Variants in SPG21 observed in about 807,000 individuals in gnomAD.
SPG21 encodes the protein SPG21 abhydrolase domain containing, maspardin.
In SPG21, 26 loss-of-function variants were observed where a neutral mutation model predicts 38.9. That is an observed-to-expected ratio of 0.67 (90% CI 0.49 to 0.93). The LOEUF is 0.93. Among genes scored for constraint, SPG21 ranks in the 40% least tolerant of loss-of-function variants. The pLI, the probability that SPG21 is intolerant of heterozygous loss-of-function variation, is 0.00. For synonymous variants in SPG21, 136 were observed against 128.9 expected, an observed-to-expected ratio of 1.05 and a Z score of -0.37; for missense variants, 333 against 376.5, an observed-to-expected ratio of 0.88 and a Z score of 0.96.
At chr15:64,975,605 C>T (rs964937894) in intron 4 of SPG21, among the ~76,000 whole-genome samples, 2 of 151,864 alleles carry the variant, frequency 1.3e-5, no homozygotes, top group African/African-American at 4.8e-5. Flanking sequence ...TAATTCCACC[C>T]CTAAACACAT....
chr15:64,981,246 A>G, intron 2 of SPG21: 1 of 550,028 alleles, frequency 1.8e-6, no homozygotes. Context: ...CTACTTTATA[A>G]TCTTCCAAAG....
At chr15:64,971,250 G>A (rs1281905871) in intron 5 of SPG21, among the ~76,000 whole-genome samples, 2 of 152,038 alleles carry the variant, frequency 1.3e-5, no homozygotes. Flanking sequence ...CTGAGCTGGG[G>A]GAGCCGGGGC....
intron 5 of SPG21, among the ~76,000 whole-genome samples, chr15:64,972,526 G>A (rs2085687227): frequency 6.6e-6 from 1 of 152,060 alleles, no homozygotes; most frequent in African/African-American, 2.4e-5. Context: ...TAATTACTAA[G>A]ATAACATCAG....
At chr15:64,982,275 T>G (rs2085900542) in intron 2 of SPG21, among the ~76,000 whole-genome samples, 1 of 151,668 alleles carries the variant, frequency 6.6e-6, no homozygotes, top group African/African-American at 2.4e-5. Flanking sequence ...CTCCTGAGTG[T>G]CCGGGACTAC....
chr15:64,983,927 G>A (rs1463339486), intron 1 of SPG21, among the ~76,000 whole-genome samples: 1 of 151,934 alleles, frequency 6.6e-6, no homozygotes, highest in Non-Finnish European at 1.5e-5. Flanking sequence ...GGGATTACAG[G>A]TGCCCGCCAC....
chr15:64,986,543 G>C (rs2085996057), intron 1 of SPG21, among the ~76,000 whole-genome samples: 1 of 151,784 alleles, frequency 6.6e-6, no homozygotes, highest in African/African-American at 2.4e-5. Context: ...AAAAAAATTA[G>C]CCAGGCATGG....
rs144055971 is a variant in SPG21, at chr15:64,976,665, G to A, written c.226-110C>T. On this transcript the variant is annotated intron_variant, in intron 3 of 8. Coordinates refer to ENST00000204566, the MANE Select transcript of SPG21 (RefSeq NM_016630.7). ...ACTGACATTTCTCGTTTGCTCAAGCGCTGCTCCTTATTCAAAATATGTAAA... is the reference window on the plus strand; with the variant it reads ...ACTGACATTTCTCGTTTGCTCAAGCACTGCTCCTTATTCAAAATATGTAAA... 1.7e-3 allele frequency: 1,312 copies of A among 752,540 alleles called. 12 individuals are homozygous for A. The African/African-American group carries it at 0.02, about 11-fold the overall frequency. 46.6% of individuals were successfully genotyped at this position (752,540 alleles called of 1,614,324 possible). A position where few individuals can be genotyped will look rare whatever the true frequency, so the allele number is the denominator to read the frequency against.
rs142300249 is a variant in SPG21 at position 64,974,881 on chromosome 15, G to A, written c.307-134C>T. 490 of 990,332 alleles carry A rather than the reference G, an allele frequency of 4.9e-4. 1 individual carries two copies. In the African/African-American group the frequency reaches 7.2e-3, roughly 15 times the overall value. 61.3% of individuals were successfully genotyped at this position (990,332 alleles called of 1,614,324 possible). A position where few individuals can be genotyped will look rare whatever the true frequency, so the allele number is the denominator to read the frequency against. ...CCAATAGACTAAAATATTTACAGCA[G>A]CTAGAAATTTAGAAAATATTGTATT... On this transcript the variant is annotated intron_variant, in intron 4 of 8. Transcript: ENST00000204566.
At chr15:64,978,208 G>A (rs904556343) in intron 3 of SPG21, among the ~76,000 whole-genome samples, 1 of 151,542 alleles carries the variant, frequency 6.6e-6, no homozygotes, top group Non-Finnish European at 1.5e-5. Context: ...AGCGCTTTGG[G>A]AGGCCGAGGC....
At chr15:64,969,679 A>T (rs1200735501) in intron 6 of SPG21, among the ~76,000 whole-genome samples, 1 of 65,684 alleles carries the variant, frequency 1.5e-5, no homozygotes, top group Admixed American at 2.2e-4. Flanking sequence ...TGACAGATAT[A>T]TGTTTTTGTT....
intron 5 of SPG21, among the ~76,000 whole-genome samples, chr15:64,971,393 G>T (rs1000729866): frequency 1.3e-5 from 2 of 151,860 alleles, no homozygotes; most frequent in Non-Finnish European, 2.9e-5. Context: ...CTAAAAATTA[G>T]CCGGGCTTGG....
intron 1 of SPG21, among the ~76,000 whole-genome samples, 192 bp from the exon 2 acceptor site, chr15:64,983,785 CTTTT>C (rs764804415): frequency 1.4e-5 from 2 of 140,134 alleles, no homozygotes; most frequent in Non-Finnish European, 1.6e-5. Context: ...CAGAAGCACT[CTTTT>C]TTTTTTTTTT....
intron 6 of SPG21, 100 bp downstream of exon 6, chr15:64,970,014 C>A (rs900398806): frequency 1.8e-5 from 18 of 996,806 alleles, no homozygotes; most frequent in Non-Finnish European, 2.4e-5. Flanking sequence ...TTAGCAAATA[C>A]CTCTTACACA....
intron 7 of SPG21, among the ~76,000 whole-genome samples, chr15:64,968,567 T>C (rs1021421089): frequency 1.3e-5 from 2 of 152,134 alleles, no homozygotes; most frequent in African/African-American, 4.8e-5. Context: ...TATTGTTTAA[T>C]GGGTATGCAA....
intron 2 of SPG21, chr15:64,981,739 G>A (rs1048499599): frequency 6.6e-6 from 1 of 151,200 alleles, no homozygotes; most frequent in Admixed American, 6.6e-5. Context: ...CAGATGTTAA[G>A]TGTCCTAGAA....
Position 64,980,969 on chromosome 15 carries a change from T to TC in SPG21, c.119dup (p.Ser41LysfsTer49), listed in dbSNP as rs1332886505. 4 of 1,613,994 alleles carry TC rather than the reference T, an allele frequency of 2.5e-6. No homozygotes were observed. The highest frequency in any genetic ancestry group is 3.4e-6 in the Non-Finnish European group (4 of 1,180,026). On this transcript the variant is annotated frameshift_variant, in exon 3 of 9. Coordinates refer to ENST00000204566, the MANE Select transcript of SPG21 (RefSeq NM_016630.7). LOFTEE classifies it high-confidence loss of function. ...GGAATATGAGAGGACACCTGATACT[T>TC]CGGGGGCCCGCGTCATAGAGCGACC...
rs144442664 is a variant in SPG21, at chr15:64,965,141, T to C, written c.810+179A>G. The stretch of plus-strand genomic sequence containing the variant: ...CAGAGAGTCACTGGGGGATCTCTAA[T>C]ATACCTGTTCAAATTCTCCTACAAG... On this transcript the variant is annotated intron_variant, in intron 8 of 8. Coordinates refer to ENST00000204566, the MANE Select transcript of SPG21 (RefSeq NM_016630.7). Among the ~76,000 whole-genome samples, 53 of 152,334 alleles carry C rather than the reference T, an allele frequency of 3.5e-4. No homozygotes were observed. In the East Asian group the frequency reaches 8.9e-3, roughly 25 times the overall value.
intron 2 of SPG21, chr15:64,983,012 C>G (rs2085911415): frequency 5.8e-6 from 1 of 172,082 alleles, no homozygotes; most frequent in African/African-American, 2.4e-5. Context: ...AATCCCAGCA[C>G]TTTGGGAGGC....
chr15:64,973,695 C>T (rs758530060), intron 5 of SPG21, among the ~76,000 whole-genome samples: 20 of 152,110 alleles, frequency 1.3e-4, no homozygotes, highest in South Asian at 6.2e-4. Context: ...GTGATCCGGC[C>T]GCCTCGGCCT....
Sources: allele counts gnomAD v4.1 joint callset (sites outside exome capture counted in the v4.1 genomes callset), GRCh38; gene constraint gnomAD v4.1.1; transcripts MANE v1.5; gene names NCBI Gene and HGNC (gene_info 2026-07-23, HGNC 2026-07-21).